The following KCND2 variants were observed in gnomAD, a reference collection of about 807,000 sequenced individuals.
KCND2 encodes potassium voltage-gated channel subfamily D member 2.
A neutral mutation model predicts 54.4 loss-of-function variants in KCND2; 16 were observed. The ratio of observed to expected loss-of-function variants is 0.29; its 90% CI spans 0.20 to 0.45. KCND2 has a LOEUF of 0.45. KCND2 is among the 20% of genes least tolerant of loss of function. The probability of loss-of-function intolerance (pLI) is 1.00; values close to 1 mark genes in which losing one functional copy is unlikely to be tolerated. For synonymous variants in KCND2, 317 were observed against 310.7 expected (o/e 1.02, Z -0.21); for missense variants, 486 against 824.2 (o/e 0.59, Z 5.02).
intron 1 of KCND2, among the ~76,000 whole-genome samples, chr7:120,707,715 T>G (rs1792487314): frequency 6.6e-6 from 1 of 152,018 alleles, no homozygotes; most frequent in African/African-American, 2.4e-5. Context: ...TCACTTAAGA[T>G]GCTGTTGAGG....
rs114772627 is a variant in KCND2, at chr7:120,721,917, T to A, written c.1116-10986T>A. ...TTCCTCCATACTGTTCTCATAGTAG[T>A]GAATAAGTCTCAAGAGAGCTGATGA... On this transcript the variant is annotated intron_variant, in intron 1 of 5. Transcript: ENST00000331113. Among the ~76,000 whole-genome samples the A allele has an allele frequency of 4.3e-3, 662 of 152,226 alleles. 5 individuals carry two copies. Among genetic ancestry groups the A allele is most frequent in the African/African-American group, 0.015 (635 of 41,554 alleles).
intron 1 of KCND2, among the ~76,000 whole-genome samples, chr7:120,686,585 G>A (rs1231445901): frequency 6.6e-6 from 1 of 152,142 alleles, no homozygotes; most frequent in African/African-American, 2.4e-5. Context: ...AGGAAATAAA[G>A]TACACGTGGA....
intron 1 of KCND2, among the ~76,000 whole-genome samples, chr7:120,539,828 T>C (rs1360474450): frequency 6.6e-6 from 1 of 152,158 alleles, no homozygotes; most frequent in African/African-American, 2.4e-5. Flanking sequence ...TCTCATGTGA[T>C]TCATTAGTTC....
chr7:120,469,375 A>G (rs890659247), intron 1 of KCND2, among the ~76,000 whole-genome samples: 2 of 152,132 alleles, frequency 1.3e-5, no homozygotes, highest in Non-Finnish European at 2.9e-5. Context: ...TGTTACATAT[A>G]ATTTCATCTT....
At chr7:120,747,233 G>C (rs1793018508) in intron 5 of KCND2, among the ~76,000 whole-genome samples, 1 of 151,954 alleles carries the variant, frequency 6.6e-6, no homozygotes, top group Admixed American at 6.6e-5. Flanking sequence ...ATTAAGTTCA[G>C]AGGTTTGAGG....
At chr7:120,528,991 A>T (rs1791810713) in intron 1 of KCND2, among the ~76,000 whole-genome samples, 1 of 152,194 alleles carries the variant, frequency 6.6e-6, no homozygotes, top group South Asian at 2.1e-4. Context: ...TTATGAATTG[A>T]TGTCTCTTAA....
intron 1 of KCND2, among the ~76,000 whole-genome samples, chr7:120,320,727 CA>C (rs1461645725): frequency 9.9e-5 from 15 of 151,996 alleles, no homozygotes; most frequent in Non-Finnish European, 2.1e-4. Flanking sequence ...ATTTAGAAAG[CA>C]AAAGCAAAGA....
chr7:120,574,098 A>G (rs1792397850), intron 1 of KCND2, among the ~76,000 whole-genome samples: 1 of 152,224 alleles, frequency 6.6e-6, no homozygotes, highest in African/African-American at 2.4e-5. Context: ...AATGAATCCT[A>G]GAAAACGTTA....
intron 1 of KCND2, among the ~76,000 whole-genome samples, chr7:120,280,140 C>T (rs1271023416): frequency 6.6e-6 from 1 of 152,000 alleles, no homozygotes; most frequent in Non-Finnish European, 1.5e-5. Context: ...TTTATTTTGA[C>T]ATACTATGAC....
In KCND2 at chr7:120,497,968, AAT is replaced by A. The variant is rs536134745; in HGVS notation, c.1115+222223_1115+222224del. The stretch of plus-strand genomic sequence containing the variant: ...ACGCATTAAAATAAAGTATTTAAAA[AAT>A]AAATTAATGGAATGACAATAGAGGA... On this transcript the variant is annotated intron_variant, in intron 1 of 5. Transcript: ENST00000331113. Among the ~76,000 whole-genome samples the A allele has an allele frequency of 6.4e-3, 968 of 152,310 alleles. 9 individuals carry two copies. Among genetic ancestry groups the A allele is most frequent in the African/African-American group, 0.021 (893 of 41,562 alleles).
At chr7:120,677,462 G>C (rs1792076936) in intron 1 of KCND2, among the ~76,000 whole-genome samples, 1 of 151,668 alleles carries the variant, frequency 6.6e-6, no homozygotes, top group African/African-American at 2.4e-5. Context: ...GTTGAGGATA[G>C]AGGTGGATCT....
At chr7:120,536,133 G>A (rs1791903496) in intron 1 of KCND2, among the ~76,000 whole-genome samples, 1 of 152,082 alleles carries the variant, frequency 6.6e-6, no homozygotes, top group Non-Finnish European at 1.5e-5. Context: ...AGCAAGTCAC[G>A]CGAATTGTTT....
intron 1 of KCND2, among the ~76,000 whole-genome samples, chr7:120,595,277 C>G (rs897533610): frequency 4.0e-5 from 6 of 151,232 alleles, no homozygotes; most frequent in African/African-American, 1.5e-4. Context: ...CATGGTGAAA[C>G]CCCATCTCTA....
chr7:120,703,834 G>A lies in KCND2; in HGVS notation c.1116-29069G>A, dbSNP rs146062902. Among the ~76,000 whole-genome samples, 669 of 152,264 alleles carry A rather than the reference G, an allele frequency of 4.4e-3. 5 individuals carry two copies. The highest frequency in any genetic ancestry group is 0.015 in the African/African-American group (642 of 41,558). On this transcript the variant is annotated intron_variant, in intron 1 of 5. Coordinates refer to ENST00000331113, the MANE Select transcript of KCND2 (RefSeq NM_012281.3). ...CTGTGACATGGCTGGCACAAAGCCA[G>A]ATGAAAACCAAATCCCATCTTGTAG...
At chr7:120,364,698 A>G (rs1279074019) in intron 1 of KCND2, among the ~76,000 whole-genome samples, 1 of 152,018 alleles carries the variant, frequency 6.6e-6, no homozygotes, top group Non-Finnish European at 1.5e-5. Context: ...ATTCTGGCTA[A>G]ACTGACCCCA....
chr7:120,456,561 T>C (rs2116229232), intron 1 of KCND2, among the ~76,000 whole-genome samples: 1 of 152,308 alleles, frequency 6.6e-6, no homozygotes, highest in African/African-American at 2.4e-5. Flanking sequence ...AATAATGCAA[T>C]TTCATTACTA....
intron 1 of KCND2, among the ~76,000 whole-genome samples, chr7:120,279,134 G>A (rs1455287803): frequency 1.3e-5 from 2 of 151,846 alleles, no homozygotes; most frequent in Admixed American, 1.3e-4. Flanking sequence ...CTAAACTTAG[G>A]AAATTTCCAA....
intron 1 of KCND2, among the ~76,000 whole-genome samples, chr7:120,687,513 T>C (rs770487184): frequency 2.0e-5 from 3 of 152,098 alleles, no homozygotes; most frequent in Non-Finnish European, 4.4e-5. Flanking sequence ...AGTGCTCACA[T>C]ATTTCAAAAC....
intron 1 of KCND2, among the ~76,000 whole-genome samples, chr7:120,457,672 T>C (rs1311963393): frequency 6.6e-6 from 1 of 152,232 alleles, no homozygotes; most frequent in African/African-American, 2.4e-5. Context: ...TCCTGTCTTC[T>C]GCGCCCTCTA....
Sources: allele counts gnomAD v4.1 joint callset (sites outside exome capture counted in the v4.1 genomes callset), GRCh38; gene constraint gnomAD v4.1.1; transcripts MANE v1.5; gene names NCBI Gene and HGNC (gene_info 2026-07-23, HGNC 2026-07-21).